Variants in ERBB4 observed in about 807,000 individuals in gnomAD.
The protein encoded by ERBB4 is erb-b2 receptor tyrosine kinase 4.
A neutral mutation model predicts 158.0 loss-of-function variants in ERBB4; 42 were observed. The ratio of observed to expected loss-of-function variants is 0.27; its 90% CI spans 0.21 to 0.34. The LOEUF (loss-of-function observed/expected upper bound fraction) is 0.34, where lower values mean the gene tolerates loss of function less well. Ranked by LOEUF, ERBB4 falls within the 10% of genes least tolerant of loss-of-function variation. The pLI is 1.00. For missense variants in ERBB4, 1,333 were observed against 1,624.1 expected (o/e 0.82, Z 3.08); for synonymous variants, 583 against 558.7 (o/e 1.04, Z -0.61).
chr2:211,809,062 G>A (rs2076687309), intron 3 of ERBB4, among the ~76,000 whole-genome samples: 1 of 152,198 alleles, frequency 6.6e-6, no homozygotes. Context: ...GTACAGTCAT[G>A]TCATCTGCAA....
intron 1 of ERBB4, among the ~76,000 whole-genome samples, chr2:212,190,805 A>T (rs1371278571): frequency 1.3e-5 from 2 of 152,188 alleles, no homozygotes; most frequent in Non-Finnish European, 2.9e-5. Flanking sequence ...AAAATATGAT[A>T]TGCCTATTTC....
intron 2 of ERBB4, among the ~76,000 whole-genome samples, chr2:212,100,806 A>C (rs2371438): frequency 6.6e-6 from 1 of 152,108 alleles, no homozygotes; most frequent in Admixed American, 6.5e-5. Flanking sequence ...GATCAAATAC[A>C]AACAATTTTG....
intron 19 of ERBB4, among the ~76,000 whole-genome samples, chr2:211,568,777 C>G (rs750067831): frequency 6.6e-6 from 1 of 152,082 alleles, no homozygotes; most frequent in Non-Finnish European, 1.5e-5. Flanking sequence ...GAAAGAAATG[C>G]TGCCCCTAAA....
intron 1 of ERBB4, among the ~76,000 whole-genome samples, chr2:212,510,831 T>C (rs1691476628): frequency 6.6e-6 from 1 of 152,264 alleles, no homozygotes; most frequent in South Asian, 2.1e-4. Context: ...AATAGCCATT[T>C]TGTAGTTCAA....
At chr2:212,247,160 C>A (rs2106034178) in intron 1 of ERBB4, among the ~76,000 whole-genome samples, 1 of 152,194 alleles carries the variant, frequency 6.6e-6, no homozygotes, top group East Asian at 1.9e-4. Context: ...TGTGTCATTG[C>A]TGTTCATTTA....
intron 3 of ERBB4, among the ~76,000 whole-genome samples, chr2:211,871,247 C>T (rs1013862837): frequency 6.6e-6 from 1 of 152,064 alleles, no homozygotes; most frequent in Non-Finnish European, 1.5e-5. Context: ...GCCGACAGTC[C>T]CAACTACTTG....
chr2:212,426,401 C>A, intron 1 of ERBB4: 1 of 425,172 alleles, frequency 2.4e-6, no homozygotes, highest in Non-Finnish European at 4.6e-6. Context: ...TTTCGTCACA[C>A]ATTTTCTTCT....
intron 1 of ERBB4, among the ~76,000 whole-genome samples, chr2:212,292,408 A>G (rs2086239093): frequency 6.6e-6 from 1 of 152,040 alleles, no homozygotes. Flanking sequence ...CTACTAGTTC[A>G]ATGATCTCTG....
intron 2 of ERBB4, among the ~76,000 whole-genome samples, chr2:212,107,923 C>T (rs1335532738): frequency 6.6e-6 from 1 of 152,126 alleles, no homozygotes; most frequent in Non-Finnish European, 1.5e-5. Context: ...TCCCCAGCCA[C>T]GTGGAACTGT....
intron 5 of ERBB4, among the ~76,000 whole-genome samples, chr2:211,739,639 AT>A (rs1266214382): frequency 6.6e-6 from 1 of 151,936 alleles, no homozygotes. Context: ...AATTTTTGTA[AT>A]TTTGTGTTTT....
chr2:212,341,547 T>C (rs553115294), intron 1 of ERBB4, among the ~76,000 whole-genome samples: 2 of 152,264 alleles, frequency 1.3e-5, no homozygotes, highest in Admixed American at 6.5e-5. Context: ...ATTATAATAG[T>C]TGTTGATTGT....
intron 3 of ERBB4, among the ~76,000 whole-genome samples, chr2:211,849,411 CAATT>C (rs1258775213): frequency 6.6e-6 from 1 of 151,866 alleles, no homozygotes; most frequent in African/African-American, 2.4e-5. Flanking sequence ...TTCTATATTA[CAATT>C]AATTAAAGCA....
intron 2 of ERBB4, among the ~76,000 whole-genome samples, chr2:211,973,165 T>C (rs1483031744): frequency 2.7e-5 from 4 of 150,504 alleles, no homozygotes; most frequent in African/African-American, 7.3e-5. Context: ...CCAACAATCA[T>C]ATGAAAAAAG....
At chr2:211,864,804 A>G (rs1323370263) in intron 3 of ERBB4, among the ~76,000 whole-genome samples, 5 of 152,210 alleles carry the variant, frequency 3.3e-5, no homozygotes, top group Non-Finnish European at 5.9e-5. Flanking sequence ...CGTCGCTACT[A>G]AAAATACAAA....
chr2:212,392,006 A>G (rs997755120), intron 1 of ERBB4, among the ~76,000 whole-genome samples: 1 of 151,606 alleles, frequency 6.6e-6, no homozygotes, highest in Non-Finnish European at 1.5e-5. Context: ...ATGACTGAAT[A>G]GAACTTGAAA....
chr2:212,480,101 C>G lies in ERBB4; in HGVS notation c.82+58348G>C, dbSNP rs142110999. Among the ~76,000 whole-genome samples the G allele has an allele frequency of 8.5e-5, 13 of 152,284 alleles. No individual in the cohort carries two copies. In the East Asian group the frequency reaches 2.5e-3, roughly 29 times the overall value. ...TTAGATGAAGAACTTATTTTCAACT[C>G]TGTCTCTAGGCAAGTGAACAACCTC... On this transcript the variant is annotated intron_variant, in intron 1 of 27. Transcript: ENST00000342788.
chr2:211,810,867 G>T (rs1304394776), intron 3 of ERBB4, among the ~76,000 whole-genome samples: 3 of 151,620 alleles, frequency 2.0e-5, no homozygotes, highest in African/African-American at 4.8e-5. Flanking sequence ...GTAGAGACGG[G>T]GTTTCACCTT....
intron 1 of ERBB4, among the ~76,000 whole-genome samples, chr2:212,312,821 C>A (rs2106242112): frequency 6.6e-6 from 1 of 150,590 alleles, no homozygotes; most frequent in East Asian, 2.0e-4. Context: ...ATTTTAGAAG[C>A]AAAAGCAGAA....
intron 2 of ERBB4, among the ~76,000 whole-genome samples, chr2:212,031,837 G>A (rs2076910502): frequency 1.3e-5 from 2 of 152,024 alleles, no homozygotes; most frequent in Non-Finnish European, 1.5e-5. Context: ...ATTAAATTGT[G>A]TGCAGAAAAG....
Sources: gnomAD v4.1 joint callset for allele counts (sites outside exome capture counted in the v4.1 genomes callset) on GRCh38, gnomAD v4.1.1 for gene constraint, MANE v1.5 for transcripts, NCBI Gene and HGNC (gene_info 2026-07-23, HGNC 2026-07-21) for gene names.